The following GALM variants were observed in gnomAD, a reference collection of about 807,000 sequenced individuals.
GALM encodes the protein aldose 1-epimerase.
In GALM, 43 loss-of-function variants were observed where a neutral mutation model predicts 37.4. That is an observed-to-expected ratio of 1.15 (90% CI 0.90 to 1.48). The LOEUF is 1.48. GALM is among the 40% of genes most tolerant of loss of function. GALM has a pLI of 0.00. For missense variants in GALM, 456 were observed against 419.1 expected (o/e 1.09, Z -0.77); for synonymous variants, 199 against 170.6 (o/e 1.17, Z -1.30).
rs1039510783 is a variant in GALM, at chr2:38,732,066, G to C, written c.951+157G>C. On this transcript the variant is annotated intron_variant, in intron 6 of 6. Transcript: ENST00000272252. ...ACAGAGTCTCACTCTTGTCGCCTAG[G>C]CTGTAGTGCAGTGGCACGATCTCAG... 4.6e-5 allele frequency among the ~76,000 whole-genome samples: 7 copies of C among 152,250 alleles called. No homozygotes were observed. The East Asian group carries it at 1.4e-3, about 29-fold the overall frequency.
rs921858559 is a variant in GALM at position 38,698,453 on chromosome 2, T to C, written c.634+8559T>C. The C allele has an allele frequency of 2.0e-5, 25 of 1,261,354 alleles. No individual in the cohort carries two copies. In the East Asian group the frequency reaches 1.3e-3, roughly 65 times the overall value. 78.1% of individuals were successfully genotyped at this position (1,261,354 alleles called of 1,614,324 possible). A position where few individuals can be genotyped will look rare whatever the true frequency, so the allele number is the denominator to read the frequency against. ...AGTTTGCAGGTACACTGTCAGGCTG[T>C]GTTTGGATGTTAGCAGTTAATTTAG... is the stretch of plus-strand genomic sequence containing the variant. On this transcript the variant is annotated intron_variant, in intron 4 of 6. Transcript: ENST00000272252.
chr2:38,702,912 TATTTA>T (rs1665946780), intron 4 of GALM, among the ~76,000 whole-genome samples: 1 of 134,204 alleles, frequency 7.5e-6, no homozygotes. Context: ...ATATACACTT[TATTTA>T]TATATATATA....
chr2:38,730,920 CAA>C (rs35932426), intron 5 of GALM, among the ~76,000 whole-genome samples: 4 of 124,520 alleles, frequency 3.2e-5, no homozygotes, highest in Non-Finnish European at 6.7e-5. Flanking sequence ...AACTCCATCT[CAA>C]AAAAAAAAAA....
chr2:38,712,670 T>A (rs1666194765), intron 4 of GALM, among the ~76,000 whole-genome samples: 1 of 152,124 alleles, frequency 6.6e-6, no homozygotes. Context: ...ACTCCAGCAG[T>A]GCAAATGAAA....
chr2:38,666,498 A>G, intron 1 of GALM, 147 bp downstream of exon 1: 1 of 609,192 alleles, frequency 1.6e-6, no homozygotes, highest in Non-Finnish European at 2.9e-6. Flanking sequence ...CATGCATCAT[A>G]GAGGGCCGTG....
intron 5 of GALM, 53 bp from the exon 6 acceptor site, chr2:38,731,682 C>G (rs530479033): frequency 1.1e-5 from 15 of 1,426,058 alleles, no homozygotes; most frequent in Non-Finnish European, 1.5e-5. Flanking sequence ...AGCTTCTACT[C>G]CTCCCCACCT....
intron 4 of GALM, among the ~76,000 whole-genome samples, chr2:38,692,679 G>T (rs1184488830): frequency 6.6e-6 from 1 of 152,154 alleles, no homozygotes; most frequent in African/African-American, 2.4e-5. Flanking sequence ...CTATGGGAAG[G>T]GTCAGCCAGA....
chr2:38,678,279 G>A (rs1165752114), intron 2 of GALM, among the ~76,000 whole-genome samples: 1 of 152,006 alleles, frequency 6.6e-6, no homozygotes, highest in African/African-American at 2.4e-5. Context: ...CAAAGTGCTG[G>A]GATTACAGGC....
chr2:38,687,298 C>T (rs1665561541), intron 3 of GALM, among the ~76,000 whole-genome samples: 1 of 152,172 alleles, frequency 6.6e-6, no homozygotes, highest in Non-Finnish European at 1.5e-5. Context: ...ACCTGCTGCC[C>T]CAGCTCACAG....
chr2:38,688,661 A>C (rs1665599502), intron 3 of GALM, among the ~76,000 whole-genome samples: 1 of 152,182 alleles, frequency 6.6e-6, no homozygotes, highest in East Asian at 1.9e-4. Context: ...TGAAGCTTTA[A>C]AATATGTTGC....
chr2:38,696,433 C>CT (rs35556554), intron 4 of GALM, among the ~76,000 whole-genome samples: 7,686 of 136,488 alleles, frequency 0.056, 315 homozygotes, highest in African/African-American at 0.11. Context: ...TTTTTCTTTT[C>CT]TTTTTTTTTT....
At chr2:38,682,612 C>T (rs894305551) in intron 3 of GALM, among the ~76,000 whole-genome samples, 4 of 152,048 alleles carry the variant, frequency 2.6e-5, no homozygotes, top group Admixed American at 2.0e-4. Context: ...ATCTTAAAAA[C>T]AAGGCCAGGT....
At chr2:38,724,596 T>C (rs1162332704) in intron 4 of GALM, among the ~76,000 whole-genome samples, 1 of 152,188 alleles carries the variant, frequency 6.6e-6, no homozygotes, top group African/African-American at 2.4e-5. Flanking sequence ...TGCATGAGGA[T>C]GGACAAGATA....
chr2:38,689,807 T>C lies in GALM; in HGVS notation c.553-6T>C. On this transcript the variant is annotated splice_polypyrimidine_tract_variant and splice_region_variant and intron_variant, in intron 3 of 6. Transcript: ENST00000272252. ...AGAAAACCTTTCCCCTACCTTTTCC[T>C]CCCAGGCTTCCCCAAATATAAATGA... 1.3e-6 allele frequency: 2 copies of C among 1,576,556 alleles called. No homozygotes were observed. Among genetic ancestry groups the C allele is most frequent in the Non-Finnish European group, 8.7e-7 (1 of 1,151,472 alleles).
chr2:38,667,000 C>G (rs1210926967), intron 1 of GALM, among the ~76,000 whole-genome samples: 2 of 152,196 alleles, frequency 1.3e-5, no homozygotes, highest in African/African-American at 2.4e-5. Context: ...ATACATTTGA[C>G]AACTCTATTA....
intron 4 of GALM, among the ~76,000 whole-genome samples, chr2:38,695,800 G>T (rs551930586): frequency 2.0e-5 from 3 of 152,064 alleles, no homozygotes; most frequent in African/African-American, 7.2e-5. Flanking sequence ...GGGTTCAAGT[G>T]CTTCTCCTGC....
chr2:38,700,660 T>C (rs1342492282), intron 4 of GALM, among the ~76,000 whole-genome samples: 2 of 152,202 alleles, frequency 1.3e-5, no homozygotes, highest in Non-Finnish European at 2.9e-5. Flanking sequence ...AGTTGGGCCA[T>C]GTTTTTTAAT....
At chr2:38,683,718 G>C (rs559769604) in intron 3 of GALM, among the ~76,000 whole-genome samples, 125 of 151,962 alleles carry the variant, frequency 8.2e-4, no homozygotes, top group African/African-American at 3.0e-3. Context: ...AGGCGCCCAC[G>C]ACCACGCCCA....
At position 38,681,333 on chromosome 2, in the gene GALM, T is replaced by G; in HGVS notation, c.399T>G (p.Ser133Arg). 6.2e-7 allele frequency: 1 copy of G among 1,613,920 alleles called. No individual in the cohort carries two copies. The highest frequency in any genetic ancestry group is 2.2e-5 in the East Asian group (1 of 44,874). ...ATGGCGTCCAGTTCTCGCGCATCAG[T>G]CCAGATGGTGAAGAAGGCTACCCCG... ...LSNGVQFSRISPDGEEGYPGE... is the reference protein window; with the variant it reads ...LSNGVQFSRIRPDGEEGYPGE... Residue 133 changes from serine to arginine, a missense_variant, in exon 3 of 7, where the codon AGT becomes AGG. By Grantham distance (110) the Ser-to-Arg change is moderately radical. Transcript: ENST00000272252.
Sources: gnomAD v4.1 joint callset for allele counts (sites outside exome capture counted in the v4.1 genomes callset) on GRCh38, gnomAD v4.1.1 for gene constraint, MANE v1.5 for transcripts, NCBI Gene and HGNC (gene_info 2026-07-23, HGNC 2026-07-21) for gene names.